The following DOCK8 variants were observed in gnomAD, a reference collection of about 807,000 sequenced individuals.
DOCK8 encodes dedicator of cytokinesis protein 8.
In DOCK8, 141 loss-of-function variants were observed where a neutral mutation model predicts 245.6. The ratio of observed to expected loss-of-function variants is 0.57; its 90% CI spans 0.50 to 0.66. DOCK8 has a LOEUF of 0.66. Among genes scored for constraint, DOCK8 ranks in the 30% least tolerant of loss-of-function variants. The pLI, the probability that DOCK8 is intolerant of heterozygous loss-of-function variation, is 0.00. For synonymous variants in DOCK8, 1,168 were observed against 970.2 expected, an observed-to-expected ratio of 1.20 and a Z score of -3.79; for missense variants, 2,965 against 2,603.4, an observed-to-expected ratio of 1.14 and a Z score of -3.02.
chr9:221,639 C>A (rs1156863556), intron 1 of DOCK8, among the ~76,000 whole-genome samples: 1 of 150,546 alleles, frequency 6.6e-6, no homozygotes, highest in Non-Finnish European at 1.5e-5. Flanking sequence ...TGGTGAAACC[C>A]CATCTCTACT....
At chr9:425,346 C>A (rs1294275606) in intron 33 of DOCK8, among the ~76,000 whole-genome samples, 17 of 152,100 alleles carry the variant, frequency 1.1e-4, no homozygotes, top group Admixed American at 8.5e-4. Flanking sequence ...TCCTGGCTAA[C>A]GCGGCGAAAC....
rs1438056860 is a variant in DOCK8 at position 332,960 on chromosome 9, A to G, written c.1125+482A>G. ...GGCATGAGTCACCATGCCCAGCCTG[A>G]TGATGATTTTTTAGAGAAATAAATC... On this transcript the variant is annotated intron_variant, in intron 10 of 47. Transcript: ENST00000432829. 1.3e-5 allele frequency among the ~76,000 whole-genome samples: 2 copies of G among 152,082 alleles called. 1 individual carries two copies. Among genetic ancestry groups the G allele is most frequent in the African/African-American group, 4.8e-5 (2 of 41,422 alleles).
chr9:453,682 C>A (rs1260970726), intron 46 of DOCK8, among the ~76,000 whole-genome samples: 2 of 152,194 alleles, frequency 1.3e-5, no homozygotes, highest in African/African-American at 4.8e-5. Flanking sequence ...CTGCCTTGGT[C>A]TCCCAAAGTG....
In DOCK8 at chr9:336,706, CT is replaced by C. The variant is rs1374753470; in HGVS notation, c.1415del (p.Phe472SerfsTer17). On this transcript the variant is annotated frameshift_variant, in exon 12 of 48. Coordinates refer to ENST00000432829, the MANE Select transcript of DOCK8 (RefSeq NM_203447.4). LOFTEE classifies it high-confidence loss of function. Reference sequence around the variant, plus strand: ...AAACCTCCACTCTGAGCGTTAGCAGCTTTTTCAAGCAGGTATCTCTTCACAT... The same window carrying C: ...AAACCTCCACTCTGAGCGTTAGCAGCTTTTCAAGCAGGTATCTCTTCACAT... ...FKTSTLSVSS[F>X]FKQEGDRLSD... 2 of 1,613,980 alleles carry C rather than the reference CT, an allele frequency of 1.2e-6. No individual in the cohort carries two copies. Among genetic ancestry groups the C allele is most frequent in the Non-Finnish European group, 8.5e-7 (1 of 1,179,934 alleles).
chr9:367,276 CACTT>C (rs1433276297), intron 14 of DOCK8, among the ~76,000 whole-genome samples: 1 of 152,178 alleles, frequency 6.6e-6, no homozygotes, highest in South Asian at 2.1e-4. Context: ...ATTCAACAAA[CACTT>C]ACTTAATACT....
At chr9:381,793 C>G (rs983249671) in intron 21 of DOCK8, among the ~76,000 whole-genome samples, 10 of 151,994 alleles carry the variant, frequency 6.6e-5, no homozygotes, top group African/African-American at 2.4e-4. Context: ...AAGCCCATTT[C>G]TATAAAAATT....
chr9:422,769 G>T (rs1187248800), intron 33 of DOCK8, among the ~76,000 whole-genome samples: 1 of 152,170 alleles, frequency 6.6e-6, no homozygotes. Context: ...TGGAACACCT[G>T]AGGTCAGTAG....
chr9:214,858 GCCGA>G (rs746242032), upstream of DOCK8: 1 of 1,602,146 alleles, frequency 6.2e-7, no homozygotes, highest in Admixed American at 1.7e-5. Context: ...AGTTTCCAGC[GCCGA>G]CCGACAGACG....
At chr9:410,755 C>T (rs866158835) in intron 28 of DOCK8, among the ~76,000 whole-genome samples, 1 of 152,160 alleles carries the variant, frequency 6.6e-6, no homozygotes, top group South Asian at 2.1e-4. Flanking sequence ...AATAGAAAAA[C>T]AATCACGGAA....
chr9:449,804 A>G lies in DOCK8; in HGVS notation c.5838A>G (p.Glu1946=), dbSNP rs751832556. The G allele has an allele frequency of 5.0e-6, 8 of 1,613,070 alleles. No homozygotes were observed. The highest frequency in any genetic ancestry group is 5.9e-6 in the Non-Finnish European group (7 of 1,180,022). ...TTCAGTTTGTTTTGACACCGATTGA[A>G]GTTGCCATTGAAGACATGAAGAAGA... is the stretch of plus-strand genomic sequence containing the variant. ...QKEEFVLTPI[E]VAIEDMKKKT... The change falls in exon 45 of 48, where the codon GAA becomes GAG. Residue 1946 remains glutamate, a synonymous_variant. Transcript: ENST00000432829.
At chr9:318,846 A>G (rs1485261719) in intron 7 of DOCK8, among the ~76,000 whole-genome samples, 1 of 152,216 alleles carries the variant, frequency 6.6e-6, no homozygotes, top group Non-Finnish European at 1.5e-5. Flanking sequence ...TCATCAGGCT[A>G]CTTTTAGATG....
intron 14 of DOCK8, among the ~76,000 whole-genome samples, chr9:357,758 T>A (rs1471597393): frequency 6.6e-6 from 1 of 152,214 alleles, no homozygotes; most frequent in African/African-American, 2.4e-5. Context: ...CAGTGCCTCC[T>A]TCTAATCTTG....
intron 7 of DOCK8, among the ~76,000 whole-genome samples, chr9:324,210 G>A (rs559386248): frequency 1.6e-4 from 24 of 152,170 alleles, no homozygotes; most frequent in South Asian, 2.1e-4. Flanking sequence ...TTCCAAAGGC[G>A]CCATTTGAGC....
chr9:254,987 A>C (rs2047733720), intron 1 of DOCK8, among the ~76,000 whole-genome samples: 1 of 152,204 alleles, frequency 6.6e-6, no homozygotes, highest in South Asian at 2.1e-4. Context: ...TGTATGCTAA[A>C]GTTTGAGGGT....
At chr9:374,271 G>A (rs2053423865) in intron 18 of DOCK8, among the ~76,000 whole-genome samples, 1 of 152,034 alleles carries the variant, frequency 6.6e-6, no homozygotes, top group African/African-American at 2.4e-5. Context: ...GGCTATTGAG[G>A]AAAATATGGC....
chr9:255,631 G>A (rs1366675077), intron 1 of DOCK8, among the ~76,000 whole-genome samples: 1 of 132,234 alleles, frequency 7.6e-6, no homozygotes, highest in Non-Finnish European at 1.5e-5. Context: ...TCGCGCCACT[G>A]CACTCCAGCC....
chr9:351,499 G>T (rs1476202908), intron 14 of DOCK8, among the ~76,000 whole-genome samples: 3 of 152,214 alleles, frequency 2.0e-5, no homozygotes, highest in Non-Finnish European at 1.5e-5. Context: ...TGGCAAATCA[G>T]GTACTAGTTT....
At chr9:322,833 C>G (rs1563919915) in intron 7 of DOCK8, among the ~76,000 whole-genome samples, 1 of 152,132 alleles carries the variant, frequency 6.6e-6, no homozygotes, top group Non-Finnish European at 1.5e-5. Flanking sequence ...TGGCTCACAC[C>G]TGTAATCCCA....
chr9:370,226 A>G lies in DOCK8; in HGVS notation c.1798-4A>G, dbSNP rs774596616. On this transcript the variant is annotated splice_polypyrimidine_tract_variant and splice_region_variant and intron_variant, in intron 15 of 47. Transcript: ENST00000432829. ...AATTTGATCCTTTCTCTACTGGTGA[A>G]CAGGTCATCTTTGGAAAATCCAGCG... is the stretch of plus-strand genomic sequence containing the variant. 18 of 1,613,138 alleles carry G rather than the reference A, an allele frequency of 1.1e-5. No individual in the cohort carries two copies. The highest frequency in any genetic ancestry group is 1.4e-5 in the Non-Finnish European group (17 of 1,179,164).
Sources: gnomAD v4.1 joint callset for allele counts (sites outside exome capture counted in the v4.1 genomes callset) on GRCh38, gnomAD v4.1.1 for gene constraint, MANE v1.5 for transcripts, NCBI Gene and HGNC (gene_info 2026-07-23, HGNC 2026-07-21) for gene names.